Variants in LUZP2 observed in about 807,000 individuals in gnomAD.
The protein encoded by LUZP2 is leucine zipper protein 2.
A neutral mutation model predicts 51.6 loss-of-function variants in LUZP2; 52 were observed. The observed-to-expected ratio is 1.01, with a 90% CI of 0.81 to 1.27. LUZP2 has a LOEUF of 1.27. Among genes scored for constraint, LUZP2 ranks in the 50% most tolerant of loss-of-function variants. The probability of loss-of-function intolerance (pLI) is 0.00; values close to 1 mark genes in which losing one functional copy is unlikely to be tolerated. For missense variants in LUZP2, 436 were observed against 395.4 expected (o/e 1.10, Z -0.87); for synonymous variants, 154 against 137.3 (o/e 1.12, Z -0.85).
intron 9 of LUZP2, among the ~76,000 whole-genome samples, chr11:25,008,271 G>T (rs937485767): frequency 6.6e-6 from 1 of 152,206 alleles, no homozygotes; most frequent in Non-Finnish European, 1.5e-5. Context: ...GTTGGTCAAT[G>T]GTGGGTAGAT....
chr11:24,986,041 TAC>T, intron 9 of LUZP2, among the ~76,000 whole-genome samples: 1 of 151,876 alleles, frequency 6.6e-6, no homozygotes, highest in African/African-American at 2.4e-5. Context: ...TTTGCTGAGA[TAC>T]TCTCTAATGT....
At chr11:24,587,303 A>C (rs572760417) in intron 1 of LUZP2, among the ~76,000 whole-genome samples, 1 of 152,308 alleles carries the variant, frequency 6.6e-6, no homozygotes, top group South Asian at 2.1e-4. Context: ...GGGATTGTAC[A>C]AAGGAGAATA....
chr11:24,702,893 A>G (rs1356351234), intron 1 of LUZP2, among the ~76,000 whole-genome samples: 1 of 152,206 alleles, frequency 6.6e-6, no homozygotes, highest in East Asian at 1.9e-4. Flanking sequence ...CTGTTCAGCT[A>G]GATGGATTTT....
intron 1 of LUZP2, among the ~76,000 whole-genome samples, chr11:24,657,786 A>C (rs887194480): frequency 2.0e-5 from 3 of 152,168 alleles, no homozygotes; most frequent in Admixed American, 2.0e-4. Flanking sequence ...CACCATTAAC[A>C]AACAGAGAGC....
chr11:24,561,122 C>T (rs1852026453), intron 1 of LUZP2, among the ~76,000 whole-genome samples: 1 of 152,164 alleles, frequency 6.6e-6, no homozygotes, highest in South Asian at 2.1e-4. Flanking sequence ...TTATATATTT[C>T]AGGTACTGTG....
chr11:24,949,292 C>T (rs1440398939), intron 7 of LUZP2, among the ~76,000 whole-genome samples: 2 of 47,282 alleles, frequency 4.2e-5, no homozygotes, highest in Non-Finnish European at 7.4e-5. Context: ...TCTAGATTAT[C>T]TATCTATCTA....
At chr11:24,846,916 CACATACATATATGTAT>C (rs201264482) in intron 5 of LUZP2, among the ~76,000 whole-genome samples, 1,971 of 151,508 alleles carry the variant, frequency 0.013, 49 homozygotes, top group African/African-American at 0.045. Flanking sequence ...CATGTATATA[CACATACATATATGTAT>C]ACATACATAT....
rs577996759 is a variant in LUZP2, at chr11:24,645,696, A to G, written c.63-83473A>G. On this transcript the variant is annotated intron_variant, in intron 1 of 11. Coordinates refer to ENST00000336930, the MANE Select transcript of LUZP2 (RefSeq NM_001009909.4). ...ATAGCTTTCACAAAAAATTAAATAT[A>G]TATCTTACTTGTCCATTTTCAGTTT... is the stretch of plus-strand genomic sequence containing the variant. Among the ~76,000 whole-genome samples, 5 of 152,224 alleles carry G rather than the reference A, an allele frequency of 3.3e-5. No homozygotes were observed. The East Asian group carries it at 9.6e-4, about 29-fold the overall frequency.
intron 5 of LUZP2, among the ~76,000 whole-genome samples, chr11:24,835,009 G>A (rs1850818557): frequency 6.6e-6 from 1 of 151,990 alleles, no homozygotes; most frequent in Non-Finnish European, 1.5e-5. Flanking sequence ...CTGTCAGATG[G>A]TCAGATTGCA....
intron 1 of LUZP2, among the ~76,000 whole-genome samples, chr11:24,623,429 A>G (rs777586030): frequency 6.6e-6 from 1 of 152,176 alleles, no homozygotes; most frequent in Non-Finnish European, 1.5e-5. Context: ...ACAGATTCAT[A>G]TAGAAGTTGA....
intron 9 of LUZP2, among the ~76,000 whole-genome samples, chr11:25,043,045 G>C (rs531197654): frequency 6.6e-6 from 1 of 152,262 alleles, no homozygotes; most frequent in Non-Finnish European, 1.5e-5. Flanking sequence ...TTTGTGCTGT[G>C]GGAATAGTTC....
chr11:24,923,702 A>G (rs1008003281), intron 7 of LUZP2, among the ~76,000 whole-genome samples: 2 of 152,004 alleles, frequency 1.3e-5, no homozygotes, highest in African/African-American at 4.8e-5. Context: ...ACAGGCTACA[A>G]ACTTCCCCAG....
At chr11:24,999,125 C>G in intron 9 of LUZP2, among the ~76,000 whole-genome samples, 1 of 152,140 alleles carries the variant, frequency 6.6e-6, no homozygotes, top group Non-Finnish European at 1.5e-5. Context: ...TGTTACATTT[C>G]ATTTAATGAT....
intron 1 of LUZP2, among the ~76,000 whole-genome samples, chr11:24,529,058 A>G (rs1850910915): frequency 6.6e-6 from 1 of 151,002 alleles, no homozygotes; most frequent in Non-Finnish European, 1.5e-5. Flanking sequence ...AGTGCAAATC[A>G]GGCACTTGCT....
chr11:24,582,740 G>A (rs1173303191), intron 1 of LUZP2, among the ~76,000 whole-genome samples: 1 of 151,972 alleles, frequency 6.6e-6, no homozygotes, highest in Non-Finnish European at 1.5e-5. Flanking sequence ...GGTTCCAGCG[G>A]TTTTGTTTTT....
At chr11:24,538,753 C>T (rs1013401150) in intron 1 of LUZP2, among the ~76,000 whole-genome samples, 1 of 151,340 alleles carries the variant, frequency 6.6e-6, no homozygotes, top group East Asian at 1.9e-4. Context: ...AGCAGAATCA[C>T]GTAAGTAAAA....
intron 7 of LUZP2, among the ~76,000 whole-genome samples, chr11:24,917,666 AG>A (rs1397053967): frequency 6.6e-6 from 1 of 151,804 alleles, no homozygotes; most frequent in African/African-American, 2.4e-5. Context: ...ATTATTTCTG[AG>A]GGCTCTGTTC....
intron 4 of LUZP2, among the ~76,000 whole-genome samples, chr11:24,741,869 A>G (rs1482364862): frequency 7.4e-6 from 1 of 135,374 alleles, no homozygotes; most frequent in Non-Finnish European, 1.5e-5. Flanking sequence ...AAATGTATAT[A>G]TATTTATAAA....
At chr11:24,686,259 C>A (rs1856894751) in intron 1 of LUZP2, among the ~76,000 whole-genome samples, 1 of 151,242 alleles carries the variant, frequency 6.6e-6, no homozygotes, top group Non-Finnish European at 1.5e-5. Flanking sequence ...CTTACTTTAT[C>A]ATTTGTAGTG....
Sources: allele counts gnomAD v4.1 joint callset (sites outside exome capture counted in the v4.1 genomes callset), GRCh38; gene constraint gnomAD v4.1.1; transcripts MANE v1.5; gene names NCBI Gene and HGNC (gene_info 2026-07-23, HGNC 2026-07-21).